Variants in CDK14 observed in about 807,000 individuals in gnomAD.
CDK14 encodes cyclin dependent kinase 14.
Under a neutral mutation model 60.7 loss-of-function variants are expected in CDK14, and 34 were observed. That is an observed-to-expected ratio of 0.56 (90% CI 0.43 to 0.75). The LOEUF (loss-of-function observed/expected upper bound fraction) is 0.75, where lower values mean the gene tolerates loss of function less well. Ranked by LOEUF, CDK14 falls within the 30% of genes least tolerant of loss-of-function variation. The pLI, the probability that CDK14 is intolerant of heterozygous loss-of-function variation, is 0.00. For synonymous variants in CDK14, 197 were observed against 203.7 expected, an observed-to-expected ratio of 0.97 and a Z score of 0.28; for missense variants, 482 against 564.1, an observed-to-expected ratio of 0.85 and a Z score of 1.47.
At chr7:90,693,757 C>T (rs4727236) in intron 2 of CDK14, among the ~76,000 whole-genome samples, 85,496 of 151,974 alleles carry the variant, frequency 0.56, 24,302 homozygotes, top group East Asian at 0.77. Flanking sequence ...TATTTATATT[C>T]TTTGTTCATT....
rs1795502240 is a variant in CDK14, at chr7:90,990,527, G to A, written c.1041+6286G>A. On this transcript the variant is annotated intron_variant, in intron 10 of 14. Transcript: ENST00000380050. ...CATCTATAGGCATAGTCATTTACAT[G>A]GCGAAAAATCTTTTTCAGAGAATCA... is the stretch of plus-strand genomic sequence containing the variant. 2.0e-5 allele frequency among the ~76,000 whole-genome samples: 3 copies of A among 151,994 alleles called. No individual in the cohort carries two copies. In the South Asian group the frequency reaches 6.3e-4, roughly 32 times the overall value.
intron 6 of CDK14, among the ~76,000 whole-genome samples, chr7:90,878,831 T>C (rs768257943): frequency 3.3e-5 from 5 of 152,194 alleles, no homozygotes; most frequent in Admixed American, 3.3e-4. Context: ...AAATTGTAAC[T>C]TTTTCTAAGG....
chr7:90,972,382 A>G (rs1331903723), intron 9 of CDK14, among the ~76,000 whole-genome samples: 1 of 152,230 alleles, frequency 6.6e-6, no homozygotes, highest in Non-Finnish European at 1.5e-5. Flanking sequence ...GCCAAAATGA[A>G]AAGATTAAGT....
chr7:91,146,344 G>A (rs1165344252), intron 14 of CDK14, among the ~76,000 whole-genome samples: 3 of 152,154 alleles, frequency 2.0e-5, no homozygotes, highest in Non-Finnish European at 4.4e-5. Flanking sequence ...GGGATTACAG[G>A]TGCCCACCAC....
intron 7 of CDK14, among the ~76,000 whole-genome samples, chr7:90,910,226 A>G (rs779080505): frequency 2.0e-5 from 3 of 152,202 alleles, no homozygotes; most frequent in Non-Finnish European, 2.9e-5. Flanking sequence ...TTGAATTGCA[A>G]TGATGCTTTG....
intron 6 of CDK14, among the ~76,000 whole-genome samples, chr7:90,894,806 C>G (rs1362582093): frequency 6.6e-6 from 1 of 152,138 alleles, no homozygotes; most frequent in East Asian, 1.9e-4. Context: ...TATTCCACTT[C>G]TTTAATTTGT....
chr7:90,962,441 G>A (rs1219827585), intron 9 of CDK14, among the ~76,000 whole-genome samples: 3 of 151,886 alleles, frequency 2.0e-5, no homozygotes, highest in Non-Finnish European at 2.9e-5. Context: ...AGTTGAGATC[G>A]CACCATCGCA....
At chr7:90,824,097 C>T (rs534697958) in intron 5 of CDK14, among the ~76,000 whole-genome samples, 18 of 152,242 alleles carry the variant, frequency 1.2e-4, no homozygotes, top group South Asian at 4.2e-4. Flanking sequence ...TTGTCAGGAA[C>T]GGTTATATTA....
intron 14 of CDK14, among the ~76,000 whole-genome samples, chr7:91,142,965 G>A (rs1800512028): frequency 6.6e-6 from 1 of 152,212 alleles, no homozygotes; most frequent in African/African-American, 2.4e-5. Context: ...GCAGTTTACA[G>A]TGCAGTAGAT....
chr7:91,077,565 C>T (rs549205979), intron 11 of CDK14, among the ~76,000 whole-genome samples: 84 of 151,908 alleles, frequency 5.5e-4, no homozygotes, highest in African/African-American at 1.8e-3. Context: ...ACCTAGATGA[C>T]GGGTAGATAG....
chr7:90,710,919 A>G (rs144885091), intron 2 of CDK14, among the ~76,000 whole-genome samples: 14 of 152,256 alleles, frequency 9.2e-5, no homozygotes, highest in African/African-American at 3.4e-4. Flanking sequence ...AGTGAGATTA[A>G]TAACATTACT....
chr7:91,201,118 A>G lies in CDK14; in HGVS notation c.*29-6047A>G, dbSNP rs572593238. Among the ~76,000 whole-genome samples the G allele has an allele frequency of 2.6e-5, 4 of 152,320 alleles. No homozygotes were observed. The East Asian group carries it at 5.8e-4, about 22-fold the overall frequency. On this transcript the variant is annotated intron_variant, in intron 14 of 14. Coordinates refer to ENST00000380050, the MANE Select transcript of CDK14 (RefSeq NM_001287135.2). ...TATGTATCAATATTTTGAATTCTAC[A>G]TTTGAGAAGGAGGTTGGAAGTAGTT... is the stretch of plus-strand genomic sequence containing the variant.
rs73229190 is a variant in CDK14 at position 91,007,031 on chromosome 7, A to G, written c.1041+22790A>G. 9.3e-3 allele frequency among the ~76,000 whole-genome samples: 1,423 copies of G among 152,284 alleles called. 15 individuals carry two copies. Among genetic ancestry groups the G allele is most frequent in the Non-Finnish European group, 0.013 (897 of 68,006 alleles). ...TTCATACTCAGAGCTTTATGCACTC[A>G]TATGTTATCTTGGTAGAAACGATTC... On this transcript the variant is annotated intron_variant, in intron 10 of 14. Coordinates refer to ENST00000380050, the MANE Select transcript of CDK14 (RefSeq NM_001287135.2).
At chr7:91,045,419 T>G (rs1042926679) in intron 10 of CDK14, among the ~76,000 whole-genome samples, 3 of 152,210 alleles carry the variant, frequency 2.0e-5, no homozygotes, top group African/African-American at 7.2e-5. Flanking sequence ...TGAGAGAATT[T>G]GAGCATTCTA....
chr7:91,000,345 A>G (rs1584216505), intron 10 of CDK14, among the ~76,000 whole-genome samples: 1 of 152,190 alleles, frequency 6.6e-6, no homozygotes, highest in Non-Finnish European at 1.5e-5. Context: ...ATATTTTGCC[A>G]TCTCTTTTTA....
intron 2 of CDK14, among the ~76,000 whole-genome samples, chr7:90,613,549 T>A (rs1799587700): frequency 6.6e-6 from 1 of 151,750 alleles, no homozygotes; most frequent in South Asian, 2.1e-4. Context: ...TAGCCAGGCG[T>A]GGTGGCAGGT....
At chr7:90,858,381 C>T (rs779920259) in intron 5 of CDK14, among the ~76,000 whole-genome samples, 28 of 152,006 alleles carry the variant, frequency 1.8e-4, no homozygotes, top group Non-Finnish European at 3.5e-4. Context: ...TGGGGGAAAA[C>T]GGTTAAAGAA....
chr7:90,704,731 A>G (rs1352095800), intron 2 of CDK14, among the ~76,000 whole-genome samples: 1 of 152,174 alleles, frequency 6.6e-6, no homozygotes, highest in African/African-American at 2.4e-5. Context: ...AATGTCGTGC[A>G]TGACATATGG....
At chr7:90,878,478 A>G (rs533939897) in intron 6 of CDK14, among the ~76,000 whole-genome samples, 2 of 152,320 alleles carry the variant, frequency 1.3e-5, no homozygotes, top group South Asian at 4.1e-4. Flanking sequence ...CTCTTTTCCT[A>G]CATTTCAACT....
Sources: allele counts gnomAD v4.1 joint callset (sites outside exome capture counted in the v4.1 genomes callset), GRCh38; gene constraint gnomAD v4.1.1; transcripts MANE v1.5; gene names NCBI Gene and HGNC (gene_info 2026-07-23, HGNC 2026-07-21).